USP24: variants seen among roughly 807,000 people sequenced by gnomAD.
USP24 encodes the protein ubiquitin specific peptidase 24.
USP24 carries 97 observed loss-of-function variants against 361.6 expected under a neutral mutation model. The observed-to-expected ratio is 0.27, with a 90% CI of 0.23 to 0.32. The LOEUF (loss-of-function observed/expected upper bound fraction) is 0.32, where lower values mean the gene tolerates loss of function less well. Among genes scored for constraint, USP24 ranks in the 10% least tolerant of loss-of-function variants. The probability of loss-of-function intolerance (pLI) is 1.00; values close to 1 mark genes in which losing one functional copy is unlikely to be tolerated. For missense variants in USP24, 2,353 were observed against 3,165.6 expected (o/e 0.74, Z 6.16); for synonymous variants, 1,098 against 1,124.6 (o/e 0.98, Z 0.47).
intron 1 of USP24, among the ~76,000 whole-genome samples, chr1:55,210,443 T>C (rs1382146976): frequency 1.3e-5 from 2 of 152,184 alleles, no homozygotes; most frequent in African/African-American, 2.4e-5. Context: ...AAATCACTAA[T>C]AGTTAACTAA....
chr1:55,129,481 A>G lies in USP24; in HGVS notation c.3631T>C (p.Leu1211=). 6.2e-7 allele frequency: 1 copy of G among 1,613,694 alleles called. No homozygotes were observed. Among genetic ancestry groups the G allele is most frequent in the Non-Finnish European group, 8.5e-7 (1 of 1,179,726 alleles). ...FCENFLKAGG[L]SLVVNVMQRD... is the part of the protein sequence containing the mutation. ...ACATTACATTGAAACTCTAACCTCA[A>G]ACCGCCAGCTTTGAGGAAGTTTTCA... Residue 1211 remains leucine, a synonymous_variant, in exon 32 of 68, where the codon TTG becomes CTG. Transcript: ENST00000294383.
intron 1 of USP24, among the ~76,000 whole-genome samples, chr1:55,209,397 A>G (rs1159401774): frequency 6.6e-6 from 1 of 152,212 alleles, no homozygotes; most frequent in Non-Finnish European, 1.5e-5. Flanking sequence ...CAGGGCCATG[A>G]AACACATAAT....
intron 1 of USP24, among the ~76,000 whole-genome samples, chr1:55,200,530 A>AC: frequency 6.6e-6 from 1 of 152,064 alleles, no homozygotes; most frequent in Non-Finnish European, 1.5e-5. Context: ...CACTCCACAT[A>AC]CTTTTTTTTT....
intron 61 of USP24, 95 bp downstream of exon 61, chr1:55,078,443 A>G (rs997462365): frequency 2.4e-5 from 20 of 831,022 alleles, no homozygotes; most frequent in Admixed American, 3.6e-5. Context: ...AACTTAGGCT[A>G]TGAGAACAAG....
intron 60 of USP24, among the ~76,000 whole-genome samples, chr1:55,079,241 T>C (rs1645093070): frequency 6.6e-6 from 1 of 152,090 alleles, no homozygotes; most frequent in Non-Finnish European, 1.5e-5. Context: ...ACAAAAGAGA[T>C]TGGGGATGAA....
rs1053604755 is a variant in USP24, at chr1:55,100,696, A to G, written c.5271+143T>C. 17 of 858,228 alleles carry G rather than the reference A, an allele frequency of 2.0e-5. 1 individual carries two copies. The highest frequency in any genetic ancestry group is 1.1e-4 in the South Asian group (3 of 28,462). 53.2% of individuals were successfully genotyped at this position (858,228 alleles called of 1,614,324 possible). ...GATTTGAAACCAAGTACCAATTTCA[A>G]CAATGGTATACCAAATCCTTTTACA... On this transcript the variant is annotated intron_variant, in intron 44 of 67. Transcript: ENST00000294383.
chr1:55,137,846 G>C lies in USP24; in HGVS notation c.2987C>G (p.Ser996Cys). 1.3e-6 allele frequency: 2 copies of C among 1,597,474 alleles called. No individual in the cohort carries two copies. Among genetic ancestry groups the C allele is most frequent in the Non-Finnish European group, 1.7e-6 (2 of 1,170,902 alleles). The change falls in exon 27 of 68, where the codon TCT (serine) becomes TGT (cysteine). Residue 996 changes from serine (S) to cysteine (C), a missense_variant. Physicochemically the swap from Ser to Cys is moderately radical, Grantham distance 112. Around this residue, in one of 8 missense-constraint regions of USP24, gnomAD observed 949 missense variants for 1,280.5 expected, o/e 0.74. Coordinates refer to ENST00000294383, the MANE Select transcript of USP24 (RefSeq NM_015306.3). ...AAATATCTGTATATTATCCACAGGA[G>C]AGCACAACTGCTTGGCTATTTTCCA... ...VRWKIAKQLC[S>C]PVDNIQIFTN...
rs1644849961 is a variant in USP24 at position 55,067,918 on chromosome 1, C to T, written c.*1127G>A. 1 of 152,202 alleles carries T rather than the reference C, an allele frequency of 6.6e-6. No homozygotes were observed. The highest frequency in any genetic ancestry group is 2.4e-5 in the African/African-American group (1 of 41,448). The allele number at this position is 152,202 out of a possible 1,614,324, so 9.4% of individuals were successfully genotyped here. A position where few individuals can be genotyped will look rare whatever the true frequency, so the allele number is the denominator to read the frequency against. On this transcript the variant is annotated 3_prime_UTR_variant, in exon 68 of 68. Coordinates refer to ENST00000294383, the MANE Select transcript of USP24 (RefSeq NM_015306.3). ...GACTAAATGGATGGTTATTCAATTG[C>T]TTTATATTTATTTCTGGGAAAATAA...
At chr1:55,205,921 T>TA (rs1392886733) in intron 1 of USP24, among the ~76,000 whole-genome samples, 1 of 152,154 alleles carries the variant, frequency 6.6e-6, no homozygotes, top group African/African-American at 2.4e-5. Flanking sequence ...CTTAATTTCT[T>TA]AAAGGAGTCA....
intron 47 of USP24, 37 bp from the exon 48 acceptor site, chr1:55,097,754 T>C: frequency 6.6e-7 from 1 of 1,521,730 alleles, no homozygotes; most frequent in Non-Finnish European, 8.8e-7. Flanking sequence ...CAAATCTGAA[T>C]GATCTCCATG....
chr1:55,206,793 A>G (rs1051428663), intron 1 of USP24, among the ~76,000 whole-genome samples: 2 of 152,192 alleles, frequency 1.3e-5, no homozygotes, highest in Non-Finnish European at 2.9e-5. Context: ...GGAGTCTAGA[A>G]TAACACAGAC....
Position 55,137,940 on chromosome 1 carries a change from CATTT to C in USP24, c.2929-40_2929-37del, listed in dbSNP as rs1163656532. 8 of 1,536,814 alleles carry C rather than the reference CATTT, an allele frequency of 5.2e-6. No individual in the cohort carries two copies. In the African/African-American group the frequency reaches 1.1e-4, roughly 21 times the overall value. ...AAATTAAACACGTTGTGAGAGAATT[CATTT>C]ATTTATTCATTTAAACAACTGTGAG... On this transcript the variant is annotated intron_variant, in intron 26 of 67. Coordinates refer to ENST00000294383, the MANE Select transcript of USP24 (RefSeq NM_015306.3).
At chr1:55,167,661 G>C (rs1297977530) in intron 5 of USP24, among the ~76,000 whole-genome samples, 3 of 152,170 alleles carry the variant, frequency 2.0e-5, no homozygotes, top group Non-Finnish European at 4.4e-5. Context: ...GTTCACAGCT[G>C]TGTGTGGAGA....
chr1:55,203,275 A>G (rs940952883), intron 1 of USP24, among the ~76,000 whole-genome samples: 5 of 152,220 alleles, frequency 3.3e-5, no homozygotes, highest in African/African-American at 1.2e-4. Context: ...ACCTACAGTC[A>G]AAGACTTCCT....
intron 64 of USP24, 80 bp downstream of exon 64, chr1:55,073,748 G>A (rs1437642706): frequency 4.5e-6 from 6 of 1,329,170 alleles, no homozygotes; most frequent in African/African-American, 2.9e-5. Context: ...TATCAAAACC[G>A]GGCACATGTT....
intron 38 of USP24, among the ~76,000 whole-genome samples, chr1:55,113,878 C>G (rs1447581918): frequency 2.6e-5 from 4 of 152,192 alleles, no homozygotes; most frequent in Non-Finnish European, 1.5e-5. Flanking sequence ...TCTCATCACT[C>G]TTATTTAACA....
At chr1:55,136,121 T>C (rs1490828668) in intron 28 of USP24, among the ~76,000 whole-genome samples, 2 of 151,952 alleles carry the variant, frequency 1.3e-5, no homozygotes, top group African/African-American at 4.8e-5. Context: ...TAAAAAGAAA[T>C]ACAGGGGTAG....
chr1:55,107,008 A>C (rs556361646), intron 40 of USP24, among the ~76,000 whole-genome samples: 2 of 152,344 alleles, frequency 1.3e-5, no homozygotes, highest in East Asian at 3.9e-4. Flanking sequence ...TTAGGAAGTT[A>C]TGTGATCCAG....
chr1:55,139,106 G>C, intron 24 of USP24, 96 bp from the exon 25 acceptor site: 1 of 1,085,048 alleles, frequency 9.2e-7, no homozygotes, highest in South Asian at 1.6e-5. Flanking sequence ...ATAACAGTTA[G>C]CACTCACTGG....
Sources: allele counts gnomAD v4.1 joint callset (sites outside exome capture counted in the v4.1 genomes callset), GRCh38; gene constraint gnomAD v4.1.1; regional missense constraint gnomAD v4.1.1; transcripts MANE v1.5; gene names NCBI Gene and HGNC (gene_info 2026-07-23, HGNC 2026-07-21).